Variants in FRMPD2 observed in about 807,000 individuals in gnomAD.
FRMPD2 encodes the protein FERM and PDZ domain containing 2, also known as FERM and PDZ domain-containing protein 2.
In FRMPD2, 96 loss-of-function variants were observed where a neutral mutation model predicts 140.1. That is an observed-to-expected ratio of 0.69 (90% CI 0.58 to 0.81). FRMPD2 has a LOEUF of 0.81. Ranked by LOEUF, FRMPD2 falls within the 40% of genes least tolerant of loss-of-function variation. The pLI is 0.00. For missense variants in FRMPD2, 1,240 were observed against 1,447.4 expected (o/e 0.86, Z 2.32); for synonymous variants, 449 against 547.6 (o/e 0.82, Z 2.52).
chr10:48,181,240 C>T (rs1353341879), intron 20 of FRMPD2, among the ~76,000 whole-genome samples: 4 of 152,246 alleles, frequency 2.6e-5, no homozygotes, highest in African/African-American at 7.2e-5. Context: ...ACTATGAATG[C>T]GTAGGCTCAA....
intron 8 of FRMPD2, 38 bp from the exon 9 acceptor site, chr10:48,236,591 A>C (rs993253716): frequency 2.5e-6 from 4 of 1,595,924 alleles, no homozygotes; most frequent in Non-Finnish European, 3.4e-6. Context: ...AGAAGACAAC[A>C]GATTCCAGGC....
At chr10:48,225,886 C>A (rs72792234) in intron 10 of FRMPD2, among the ~76,000 whole-genome samples, 1 of 152,054 alleles carries the variant, frequency 6.6e-6, no homozygotes, top group Non-Finnish European at 1.5e-5. Context: ...TGACTTGATT[C>A]GAGATCTGGT....
intron 17 of FRMPD2, 59 bp downstream of exon 17, chr10:48,187,133 A>G (rs1306026953): frequency 8.5e-7 from 1 of 1,182,320 alleles, no homozygotes; most frequent in Non-Finnish European, 1.2e-6. Context: ...AAAGACTCAA[A>G]GCAAGCTTCC....
chr10:48,233,672 G>T (rs1163665242), intron 9 of FRMPD2, among the ~76,000 whole-genome samples: 1 of 152,130 alleles, frequency 6.6e-6, no homozygotes, highest in African/African-American at 2.4e-5. Context: ...CAATGAGCGA[G>T]TATACAAAGC....
intron 13 of FRMPD2, among the ~76,000 whole-genome samples, chr10:48,211,471 G>C (rs1474348221): frequency 6.6e-6 from 1 of 152,108 alleles, no homozygotes; most frequent in Non-Finnish European, 1.5e-5. Context: ...CTGCTTGGAG[G>C]AAAGTGTCTG....
At chr10:48,256,653 C>T (rs1481329215) in intron 1 of FRMPD2, among the ~76,000 whole-genome samples, 1 of 152,144 alleles carries the variant, frequency 6.6e-6, no homozygotes, top group Non-Finnish European at 1.5e-5. Context: ...AGCTCTGGAG[C>T]TGAAGGTGCC....
intron 14 of FRMPD2, chr10:48,201,660 G>A: frequency 3.8e-6 from 1 of 265,080 alleles, no homozygotes; most frequent in Admixed American, 5.3e-5. Context: ...AGTGGGTCAG[G>A]TATATTGACC....
chr10:48,265,167 A>C (rs376808232), intron 1 of FRMPD2, among the ~76,000 whole-genome samples: 6 of 152,346 alleles, frequency 3.9e-5, no homozygotes, highest in African/African-American at 1.4e-4. Context: ...CATATGCAGA[A>C]GATTAAAACA....
intron 12 of FRMPD2, among the ~76,000 whole-genome samples, chr10:48,217,883 C>A (rs1839487418): frequency 6.6e-6 from 1 of 152,206 alleles, no homozygotes; most frequent in African/African-American, 2.4e-5. Context: ...GTGTCCACAC[C>A]CAGTGGTGGC....
rs376421828 is a variant in FRMPD2 at position 48,206,766 on chromosome 10, G to T, written c.1779C>A (p.Thr593=). ...CACTCACATAAGTAGAAATCTTCCC[G>T]GTTTCTCTCCACTGAAACCGTAACA... is the stretch of plus-strand genomic sequence containing the variant. The part of the protein sequence containing the change: ...IAMLRFQWRE[T]GKISTYQKKF... The change falls in exon 14 of 29, where the codon ACC becomes ACA. Residue 593 remains threonine, a synonymous_variant. Transcript: ENST00000374201. 1.9e-6 allele frequency: 3 copies of T among 1,613,808 alleles called. No homozygotes were observed. The highest frequency in any genetic ancestry group is 2.2e-5 in the South Asian group (2 of 91,018).
In FRMPD2 at chr10:48,242,225, T is replaced by C. The variant is rs1369358274; in HGVS notation, c.503A>G (p.Tyr168Cys). The C allele has an allele frequency of 4.3e-6, 7 of 1,613,936 alleles. No individual in the cohort carries two copies. The highest frequency in any genetic ancestry group is 2.2e-5 in the South Asian group (2 of 91,072). The change falls in exon 5 of 29, where the codon TAC becomes TGC. Residue 168 changes from tyrosine (Y) to cysteine (C), a missense_variant. By Grantham distance (194) the Tyr-to-Cys change is radical. Transcript: ENST00000374201. ...CRVHEKEVSVYPAPAGLHIRR... is the reference protein window; with the variant it reads ...CRVHEKEVSVCPAPAGLHIRR... ...GATGTGGAGACCAGCAGGGGCTGGG[T>C]AGACAGACACTTCTTTCTCATGAAC...
In FRMPD2 at chr10:48,238,153, C is replaced by T. The variant is rs116040632; in HGVS notation, c.789-30G>A. On this transcript the variant is annotated intron_variant, in intron 7 of 28. Transcript: ENST00000374201. ...CCAGGGGTTGAGAAGGGGTGAAGCA[C>T]TTAGCAATGGCAAGGGCTTCCATGG... is the stretch of plus-strand genomic sequence containing the variant. 4.2e-4 allele frequency: 675 copies of T among 1,599,334 alleles called. 3 individuals are homozygous for T. In the African/African-American group the frequency reaches 8.0e-3, roughly 19 times the overall value.
At chr10:48,237,824 T>C (rs1840004881) in intron 8 of FRMPD2, among the ~76,000 whole-genome samples, 167 bp downstream of exon 8, 1 of 152,140 alleles carries the variant, frequency 6.6e-6, no homozygotes, top group Non-Finnish European at 1.5e-5. Context: ...TGAATGCCTA[T>C]GCCCTAAGTT....
chr10:48,188,253 G>A (rs1248440648), intron 16 of FRMPD2, among the ~76,000 whole-genome samples: 1 of 152,152 alleles, frequency 6.6e-6, no homozygotes, highest in Non-Finnish European at 1.5e-5. Context: ...TCCACCCCCT[G>A]TACCCTTGGA....
chr10:48,248,499 C>T (rs746991465), intron 3 of FRMPD2: 2 of 152,136 alleles, frequency 1.3e-5, no homozygotes, highest in African/African-American at 2.4e-5. Context: ...ATTAAATAAG[C>T]TTCTACAGCC....
intron 16 of FRMPD2, among the ~76,000 whole-genome samples, chr10:48,190,408 T>A (rs1838801367): frequency 6.6e-6 from 1 of 152,214 alleles, no homozygotes; most frequent in Non-Finnish European, 1.5e-5. Context: ...CCTCCTGTCC[T>A]GCAGTTCTAG....
intron 16 of FRMPD2, among the ~76,000 whole-genome samples, chr10:48,189,121 C>T (rs531975935): frequency 5.3e-5 from 8 of 152,150 alleles, no homozygotes; most frequent in Admixed American, 1.3e-4. Context: ...ACATTTTAAA[C>T]GTGAACTTTA....
intron 14 of FRMPD2, among the ~76,000 whole-genome samples, chr10:48,205,664 C>T (rs1839184958): frequency 6.6e-6 from 1 of 152,020 alleles, no homozygotes. Context: ...ATTGTTTCAT[C>T]TGAGTTTGGT....
chr10:48,233,316 A>C (rs1337283618), intron 9 of FRMPD2, among the ~76,000 whole-genome samples: 1 of 152,210 alleles, frequency 6.6e-6, no homozygotes. Context: ...GGCATACTCC[A>C]TGCCACCTTG....
Sources: allele counts gnomAD v4.1 joint callset (sites outside exome capture counted in the v4.1 genomes callset), GRCh38; gene constraint gnomAD v4.1.1; transcripts MANE v1.5; gene names NCBI Gene and HGNC (gene_info 2026-07-23, HGNC 2026-07-21).